The following MIPOL1 variants were observed in gnomAD, a reference collection of about 807,000 sequenced individuals.
MIPOL1 encodes the protein mirror-image polydactyly gene 1 protein.
A neutral mutation model predicts 60.9 loss-of-function variants in MIPOL1; 57 were observed. The ratio of observed to expected loss-of-function variants is 0.94; its 90% CI spans 0.76 to 1.17. The LOEUF (loss-of-function observed/expected upper bound fraction) is 1.17, where lower values mean the gene tolerates loss of function less well. MIPOL1 is among the 50% of genes most tolerant of loss of function. The probability of loss-of-function intolerance (pLI) is 0.00; values close to 1 mark genes in which losing one functional copy is unlikely to be tolerated. For synonymous variants in MIPOL1, 179 were observed against 168.8 expected (o/e 1.06, Z -0.47); for missense variants, 551 against 511.6 (o/e 1.08, Z -0.74).
At chr14:37,350,826 C>G (rs573778411) in intron 9 of MIPOL1, among the ~76,000 whole-genome samples, 10 of 152,084 alleles carry the variant, frequency 6.6e-5, no homozygotes, top group Non-Finnish European at 1.0e-4. Flanking sequence ...TGAGAACATG[C>G]GATGATCTCT....
intron 11 of MIPOL1, among the ~76,000 whole-genome samples, chr14:37,438,616 A>G (rs1007252502): frequency 2.0e-4 from 30 of 152,184 alleles, no homozygotes; most frequent in African/African-American, 7.2e-4. Context: ...TAATTTGGAT[A>G]TGCTTGACAT....
intron 7 of MIPOL1, among the ~76,000 whole-genome samples, chr14:37,296,221 A>G (rs1325778978): frequency 1.3e-5 from 2 of 152,242 alleles, no homozygotes; most frequent in African/African-American, 2.4e-5. Flanking sequence ...ACATAACAAA[A>G]TGAAGGCAGA....
intron 9 of MIPOL1, among the ~76,000 whole-genome samples, chr14:37,309,625 C>T (rs947388639): frequency 7.2e-5 from 11 of 151,980 alleles, no homozygotes; most frequent in African/African-American, 2.7e-4. Context: ...TGTCAAGCTT[C>T]CCGCTTTCTG....
chr14:37,239,009 T>A (rs1251055547), intron 1 of MIPOL1, among the ~76,000 whole-genome samples: 1 of 151,616 alleles, frequency 6.6e-6, no homozygotes, highest in Non-Finnish European at 1.5e-5. Context: ...GTCATCAGTG[T>A]CTTTTGGGAA....
At chr14:37,224,404 A>G (rs1423165567) in intron 1 of MIPOL1, among the ~76,000 whole-genome samples, 1 of 152,218 alleles carries the variant, frequency 6.6e-6, no homozygotes, top group African/African-American at 2.4e-5. Flanking sequence ...TACAAAAGAA[A>G]GAGGTTTAGT....
intron 10 of MIPOL1, among the ~76,000 whole-genome samples, chr14:37,406,931 A>C (rs2093597454): frequency 6.6e-6 from 1 of 152,110 alleles, no homozygotes; most frequent in Non-Finnish European, 1.5e-5. Context: ...TATTTAAGTA[A>C]AGTAACGGGC....
At chr14:37,333,611 G>C (rs1396569489) in intron 9 of MIPOL1, among the ~76,000 whole-genome samples, 1 of 152,108 alleles carries the variant, frequency 6.6e-6, no homozygotes, top group Non-Finnish European at 1.5e-5. Flanking sequence ...ATTAATATCA[G>C]ATGAAGTAGG....
At chr14:37,202,402 C>T (rs1283371041) in intron 1 of MIPOL1, among the ~76,000 whole-genome samples, 1 of 152,080 alleles carries the variant, frequency 6.6e-6, no homozygotes, top group Non-Finnish European at 1.5e-5. Context: ...CACACACACA[C>T]ACACAAACAC....
intron 1 of MIPOL1, among the ~76,000 whole-genome samples, chr14:37,210,549 G>A (rs183408640): frequency 8.0e-4 from 121 of 152,196 alleles, no homozygotes; most frequent in African/African-American, 2.5e-3. Context: ...ATGGACTCGC[G>A]GGATTCCTCT....
chr14:37,444,818 C>T (rs1469270208), intron 11 of MIPOL1, among the ~76,000 whole-genome samples: 1 of 152,108 alleles, frequency 6.6e-6, no homozygotes, highest in African/African-American at 2.4e-5. Flanking sequence ...GAACCAAAGA[C>T]AAAAACCACA....
intron 7 of MIPOL1, among the ~76,000 whole-genome samples, chr14:37,303,904 C>T (rs988481260): frequency 4.0e-5 from 6 of 151,628 alleles, no homozygotes; most frequent in African/African-American, 1.5e-4. Flanking sequence ...TCTAGGAGTT[C>T]AGGTAGGGGG....
intron 10 of MIPOL1, among the ~76,000 whole-genome samples, chr14:37,375,402 C>T (rs1360428927): frequency 6.6e-6 from 1 of 151,912 alleles, no homozygotes; most frequent in Non-Finnish European, 1.5e-5. Flanking sequence ...GAGACGAGGT[C>T]TCAAACTCCT....
chr14:37,302,259 G>C (rs912889466), intron 7 of MIPOL1, among the ~76,000 whole-genome samples: 2 of 58,590 alleles, frequency 3.4e-5, no homozygotes, highest in African/African-American at 7.1e-5. Context: ...ATTTGGAACT[G>C]TTGTTTTTTT....
intron 1 of MIPOL1, chr14:37,227,647 T>C (rs759530582): frequency 6.6e-6 from 1 of 152,242 alleles, no homozygotes; most frequent in South Asian, 2.1e-4. Context: ...TGGCAATCTC[T>C]TTAAGTTGTG....
intron 10 of MIPOL1, among the ~76,000 whole-genome samples, chr14:37,375,417 T>G (rs2092748243): frequency 6.6e-6 from 1 of 151,954 alleles, no homozygotes; most frequent in Admixed American, 6.6e-5. Context: ...ACTCCTGGGC[T>G]CAAGTGATCA....
chr14:37,445,790 T>C (rs1249174553), intron 11 of MIPOL1, among the ~76,000 whole-genome samples: 1 of 152,086 alleles, frequency 6.6e-6, no homozygotes, highest in Non-Finnish European at 1.5e-5. Context: ...CTGTCTGATC[T>C]TTGACAAACC....
chr14:37,500,278 T>A (rs1463799058), intron 12 of MIPOL1, 140 bp downstream of exon 12: 2 of 666,148 alleles, frequency 3.0e-6, no homozygotes, highest in Non-Finnish European at 5.0e-6. Context: ...TGAACTTTTT[T>A]AGATTGGATA....
intron 12 of MIPOL1, among the ~76,000 whole-genome samples, chr14:37,518,677 A>G (rs1211122754): frequency 2.6e-5 from 4 of 152,150 alleles, no homozygotes; most frequent in African/African-American, 9.7e-5. Flanking sequence ...CTATCCTCTG[A>G]AAAGGGCTTA....
At position 37,335,137 on chromosome 14, in the gene MIPOL1, G is replaced by A. The variant is rs189926028; in HGVS notation, c.828+26618G>A. On this transcript the variant is annotated intron_variant, in intron 9 of 12. Coordinates refer to ENST00000684589, the MANE Select transcript of MIPOL1 (RefSeq NM_001388067.1). ...ACATTTCCACCAACAATTTATGAAG[G>A]GTCCAATTTATCTACATTCTCGCTA... 8.3e-3 allele frequency among the ~76,000 whole-genome samples: 1,256 copies of A among 151,614 alleles called. 17 individuals carry two copies. The highest frequency in any genetic ancestry group is 0.011 in the Non-Finnish European group (769 of 67,790).
Sources: allele counts gnomAD v4.1 joint callset (sites outside exome capture counted in the v4.1 genomes callset), GRCh38; gene constraint gnomAD v4.1.1; transcripts MANE v1.5; gene names NCBI Gene and HGNC (gene_info 2026-07-23, HGNC 2026-07-21).